NKAIN2: variants seen among roughly 807,000 people sequenced by gnomAD.
The protein encoded by NKAIN2 is sodium/potassium-transporting ATPase subunit beta-1-interacting protein 2.
NKAIN2 carries 14 observed loss-of-function variants against 32.6 expected under a neutral mutation model. The observed-to-expected ratio is 0.43, with a 90% CI of 0.28 to 0.67. The LOEUF is 0.67. NKAIN2 is among the 30% of genes least tolerant of loss of function. NKAIN2 has a pLI of 0.17. For missense variants in NKAIN2, 198 were observed against 258.3 expected, an observed-to-expected ratio of 0.77 and a Z score of 1.60; for synonymous variants, 80 against 87.2, an observed-to-expected ratio of 0.92 and a Z score of 0.46.
chr6:124,170,685 C>T (rs117819713), intron 1 of NKAIN2, among the ~76,000 whole-genome samples: 5,207 of 152,128 alleles, frequency 0.034, 130 homozygotes, highest in Middle Eastern at 0.071. Flanking sequence ...AATGAAGCCA[C>T]TTTTTATGTC....
At chr6:124,409,211 CCAGAACTTCCAA>C (rs1243495106) in intron 3 of NKAIN2, among the ~76,000 whole-genome samples, 2 of 152,106 alleles carry the variant, frequency 1.3e-5, no homozygotes, top group Admixed American at 6.5e-5. Context: ...ATTGCCCTGG[CCAGAACTTCCAA>C]CACTATGTTG....
intron 1 of NKAIN2, among the ~76,000 whole-genome samples, chr6:123,892,211 A>AGT (rs1374731428): frequency 1.2e-4 from 18 of 152,226 alleles, no homozygotes; most frequent in Non-Finnish European, 4.4e-5. Flanking sequence ...ACAAATGTGC[A>AGT]GTGCCCTTTA....
At chr6:124,145,375 T>A (rs1450031459) in intron 1 of NKAIN2, among the ~76,000 whole-genome samples, 1 of 152,212 alleles carries the variant, frequency 6.6e-6, no homozygotes, top group South Asian at 2.1e-4. Flanking sequence ...AAGATGTTCT[T>A]TAACAGGTGA....
rs147781980 is a variant in NKAIN2 at position 124,523,585 on chromosome 6, G to A, written c.274-134601G>A. 8.5e-5 allele frequency among the ~76,000 whole-genome samples: 13 copies of A among 152,060 alleles called. No individual in the cohort carries two copies. The East Asian group carries it at 2.5e-3, about 30-fold the overall frequency. ...TATCAATGAAAATTACTTATGGTGAGTTAGATCTTGGCAAAATTAAAAACT... is the reference window on the plus strand; with the variant it reads ...TATCAATGAAAATTACTTATGGTGAATTAGATCTTGGCAAAATTAAAAACT... On this transcript the variant is annotated intron_variant, in intron 3 of 6. Transcript: ENST00000368417.
At chr6:124,278,987 T>A (rs1000256336) in intron 1 of NKAIN2, among the ~76,000 whole-genome samples, 1 of 152,008 alleles carries the variant, frequency 6.6e-6, no homozygotes, top group African/African-American at 2.4e-5. Flanking sequence ...TCATGACACA[T>A]CACTAAGTGA....
intron 5 of NKAIN2, among the ~76,000 whole-genome samples, chr6:124,805,737 T>C (rs1189532641): frequency 6.6e-6 from 1 of 151,994 alleles, no homozygotes; most frequent in Non-Finnish European, 1.5e-5. Context: ...GTTAAAAACA[T>C]TGAAAAAAAT....
At chr6:123,884,237 G>A (rs1242469092) in intron 1 of NKAIN2, among the ~76,000 whole-genome samples, 1 of 152,004 alleles carries the variant, frequency 6.6e-6, no homozygotes, top group Non-Finnish European at 1.5e-5. Context: ...CTGTTGTAAT[G>A]GATAATGGAC....
intron 4 of NKAIN2, among the ~76,000 whole-genome samples, chr6:124,759,326 A>G (rs989818739): frequency 1.3e-5 from 2 of 152,176 alleles, no homozygotes; most frequent in Non-Finnish European, 2.9e-5. Flanking sequence ...ATTTTCTAAC[A>G]TGCATTGACA....
intron 3 of NKAIN2, among the ~76,000 whole-genome samples, chr6:124,569,951 A>G (rs1781062913): frequency 6.6e-6 from 1 of 152,232 alleles, no homozygotes; most frequent in Non-Finnish European, 1.5e-5. Context: ...GGCTTTGCCC[A>G]AAATGCTGAT....
At chr6:124,482,070 A>G (rs1205425053) in intron 3 of NKAIN2, among the ~76,000 whole-genome samples, 2 of 152,108 alleles carry the variant, frequency 1.3e-5, no homozygotes, top group Non-Finnish European at 2.9e-5. Flanking sequence ...ATAGTTTTAA[A>G]CCCTCAAAAA....
chr6:123,824,020 G>A (rs957255438), intron 1 of NKAIN2, among the ~76,000 whole-genome samples: 6 of 152,178 alleles, frequency 3.9e-5, no homozygotes, highest in African/African-American at 1.4e-4. Context: ...TTTAGCTTTA[G>A]ATTTGCCATT....
intron 1 of NKAIN2, among the ~76,000 whole-genome samples, chr6:123,805,900 A>C (rs1258546544): frequency 6.6e-6 from 1 of 152,136 alleles, no homozygotes; most frequent in Non-Finnish European, 1.5e-5. Context: ...TTTAACTTCT[A>C]ATCATGTAAT....
intron 1 of NKAIN2, among the ~76,000 whole-genome samples, chr6:124,160,753 A>T (rs1788232995): frequency 6.6e-6 from 1 of 152,166 alleles, no homozygotes; most frequent in Non-Finnish European, 1.5e-5. Flanking sequence ...GTAAATATGC[A>T]TGTATTAAAA....
intron 4 of NKAIN2, among the ~76,000 whole-genome samples, chr6:124,749,036 T>G (rs1338586957): frequency 6.6e-6 from 1 of 151,714 alleles, no homozygotes; most frequent in African/African-American, 2.4e-5. Context: ...TTTCCAGAGG[T>G]TCTAGGAGAA....
chr6:123,868,006 C>T (rs1371947464), intron 1 of NKAIN2, among the ~76,000 whole-genome samples: 3 of 151,912 alleles, frequency 2.0e-5, no homozygotes, highest in Non-Finnish European at 2.9e-5. Flanking sequence ...GTAGCTGGGA[C>T]TACAGGCGCA....
At chr6:124,216,402 A>G (rs935970075) in intron 1 of NKAIN2, among the ~76,000 whole-genome samples, 1 of 152,144 alleles carries the variant, frequency 6.6e-6, no homozygotes, top group Non-Finnish European at 1.5e-5. Context: ...GTCAATATTC[A>G]CGGCACTTTT....
intron 3 of NKAIN2, among the ~76,000 whole-genome samples, chr6:124,439,151 C>G (rs1775583786): frequency 6.6e-6 from 1 of 152,246 alleles, no homozygotes; most frequent in Admixed American, 6.5e-5. Flanking sequence ...ACAAACAACT[C>G]CCGATTTTCG....
At chr6:124,612,559 G>A (rs1782733091) in intron 3 of NKAIN2, among the ~76,000 whole-genome samples, 1 of 152,066 alleles carries the variant, frequency 6.6e-6, no homozygotes, top group African/African-American at 2.4e-5. Context: ...AATAGGGGAG[G>A]CTGAAAGTCA....
At position 124,658,380 on chromosome 6, in the gene NKAIN2, C is replaced by G; in HGVS notation, c.468C>G (p.Val156=). The change falls in exon 4 of 7, where the codon GTC becomes GTG. Residue 156 remains valine (V), a synonymous_variant. Coordinates refer to ENST00000368417, the MANE Select transcript of NKAIN2 (RefSeq NM_001040214.3). ...IEVAHSSLQI[V]LALAGFIYAC... ...TGGCTCATAGTTCCCTCCAGATTGTCCTCGCAGTAAGTGTTGGCAGCCAAC... is the reference window on the plus strand; with the variant it reads ...TGGCTCATAGTTCCCTCCAGATTGTGCTCGCAGTAAGTGTTGGCAGCCAAC... 2 of 1,614,072 alleles carry G rather than the reference C, an allele frequency of 1.2e-6. No individual in the cohort carries two copies. Among genetic ancestry groups the G allele is most frequent in the Non-Finnish European group, 1.7e-6 (2 of 1,180,018 alleles).
Sources: allele counts gnomAD v4.1 joint callset (sites outside exome capture counted in the v4.1 genomes callset), GRCh38; gene constraint gnomAD v4.1.1; transcripts MANE v1.5; gene names NCBI Gene and HGNC (gene_info 2026-07-23, HGNC 2026-07-21).